SMYD3: variants seen among roughly 807,000 people sequenced by gnomAD.
The protein encoded by SMYD3 is histone-lysine N-methyltransferase SMYD3.
Under a neutral mutation model 57.7 loss-of-function variants are expected in SMYD3, and 36 were observed. That is an observed-to-expected ratio of 0.62 (90% CI 0.48 to 0.82). The LOEUF is 0.82. Among genes scored for constraint, SMYD3 ranks in the 40% least tolerant of loss-of-function variants. The pLI is 0.00. For missense variants in SMYD3, 515 were observed against 538.8 expected (o/e 0.96, Z 0.44); for synonymous variants, 211 against 195.0 (o/e 1.08, Z -0.68).
In SMYD3 at chr1:245,865,013, G is replaced by A. The variant is rs545307868; in HGVS notation, c.814-1127C>T. On this transcript the variant is annotated intron_variant, in intron 8 of 11. Coordinates refer to ENST00000490107, the MANE Select transcript of SMYD3 (RefSeq NM_001167740.2). ...TTCAGTAAGCAGGTCCTCTGCTTCC[G>A]GTTGGCCAGTGTACGTCTGGCATCT... 3.3e-5 allele frequency among the ~76,000 whole-genome samples: 5 copies of A among 152,280 alleles called. No homozygotes were observed. The South Asian group carries it at 1.0e-3, about 32-fold the overall frequency.
Position 246,119,279 on chromosome 1 carries a change from T to C in SMYD3, c.532-189342A>G, listed in dbSNP as rs535681408. 2.0e-5 allele frequency among the ~76,000 whole-genome samples: 3 copies of C among 152,270 alleles called. No homozygotes were observed. The East Asian group carries it at 5.8e-4, about 29-fold the overall frequency. On this transcript the variant is annotated intron_variant, in intron 5 of 11. Transcript: ENST00000490107. ...TCCTAAAGTGCTGGGATTACAGGCA[T>C]GAGCCATCACACCCAGCCAAGACTT...
intron 2 of SMYD3, among the ~76,000 whole-genome samples, chr1:246,346,031 T>C (rs1170462042): frequency 1.3e-5 from 2 of 152,148 alleles, no homozygotes; most frequent in Admixed American, 1.3e-4. Context: ...ACGCCTGTAA[T>C]CCCAGCACTG....
intron 5 of SMYD3, among the ~76,000 whole-genome samples, chr1:246,288,575 C>T (rs1293862412): frequency 6.6e-6 from 1 of 152,138 alleles, no homozygotes; most frequent in Non-Finnish European, 1.5e-5. Flanking sequence ...GATAAACCAA[C>T]CACCTGGGGC....
intron 10 of SMYD3, among the ~76,000 whole-genome samples, chr1:245,831,624 A>C (rs1009054522): frequency 6.6e-6 from 1 of 152,308 alleles, no homozygotes. Flanking sequence ...GTATTTTTTC[A>C]TTTGGTTGAA....
chr1:246,344,164 C>T (rs1287688418), intron 2 of SMYD3, among the ~76,000 whole-genome samples: 2 of 152,032 alleles, frequency 1.3e-5, no homozygotes, highest in Non-Finnish European at 2.9e-5. Flanking sequence ...ATTACATGCA[C>T]GTGCCACCAC....
intron 5 of SMYD3, among the ~76,000 whole-genome samples, chr1:246,269,701 G>A (rs373147810): frequency 2.6e-5 from 4 of 151,544 alleles, no homozygotes; most frequent in East Asian, 3.9e-4. Flanking sequence ...TAAGCAGCCG[G>A]GACTACAGGC....
chr1:245,961,395 T>G (rs2058003896), intron 5 of SMYD3, among the ~76,000 whole-genome samples: 1 of 152,182 alleles, frequency 6.6e-6, no homozygotes, highest in African/African-American at 2.4e-5. Flanking sequence ...GTCAGCACTT[T>G]GAATCTAAAT....
At chr1:246,176,613 C>T (rs538257903) in intron 5 of SMYD3, among the ~76,000 whole-genome samples, 152 of 152,300 alleles carry the variant, frequency 1.0e-3, no homozygotes, top group African/African-American at 3.3e-3. Context: ...GCCTTGACCT[C>T]CCGGGCTCAG....
In SMYD3 at chr1:245,764,140, GA is replaced by G; in HGVS notation, c.1085del (p.Phe362SerfsTer12). 2 of 1,613,252 alleles carry G rather than the reference GA, an allele frequency of 1.2e-6. No individual in the cohort carries two copies. Among genetic ancestry groups the G allele is most frequent in the Non-Finnish European group, 1.7e-6 (2 of 1,179,468 alleles). On this transcript the variant is annotated frameshift_variant, in exon 11 of 12. Transcript: ENST00000490107. LOFTEE classifies it high-confidence loss of function. The part of the protein sequence containing the change: ...TRTMEPYRIF[F>X]PGSHPVRGVQ... The stretch of plus-strand genomic sequence containing the variant: ...CCCCTCTGACGGGATGGCTTCCTGG[GA>G]AAAAAATCCTGGAAGAAACCAAACG...
intron 1 of SMYD3, among the ~76,000 whole-genome samples, chr1:246,368,949 T>C (rs2066149582): frequency 6.6e-6 from 1 of 152,184 alleles, no homozygotes; most frequent in African/African-American, 2.4e-5. Context: ...CTTAATAAAC[T>C]CATATATACA....
intron 5 of SMYD3, among the ~76,000 whole-genome samples, chr1:246,317,387 A>G (rs2065179597): frequency 6.6e-6 from 1 of 152,248 alleles, no homozygotes; most frequent in South Asian, 2.1e-4. Flanking sequence ...CAGCTTACAA[A>G]TGTTAATTCA....
chr1:245,944,416 C>G (rs1057015337), intron 5 of SMYD3, among the ~76,000 whole-genome samples: 6 of 152,006 alleles, frequency 3.9e-5, no homozygotes, highest in Admixed American at 1.3e-4. Flanking sequence ...AATAAAATAC[C>G]TAGGAATACA....
At chr1:246,074,012 G>T (rs986031848) in intron 5 of SMYD3, among the ~76,000 whole-genome samples, 11 of 152,206 alleles carry the variant, frequency 7.2e-5, no homozygotes, top group African/African-American at 2.7e-4. Flanking sequence ...GGCTTTGAAT[G>T]TGGCCAAACG....
At chr1:246,305,204 C>A (rs1439439639) in intron 5 of SMYD3, among the ~76,000 whole-genome samples, 1 of 152,128 alleles carries the variant, frequency 6.6e-6, no homozygotes, top group Non-Finnish European at 1.5e-5. Flanking sequence ...GAGCACAGAC[C>A]TCATTCAGTG....
In SMYD3 at chr1:245,939,943, T is replaced by C. The variant is rs573075969; in HGVS notation, c.532-10006A>G. Among the ~76,000 whole-genome samples, 8 of 152,306 alleles carry C rather than the reference T, an allele frequency of 5.3e-5. No individual in the cohort carries two copies. In the South Asian group the frequency reaches 1.7e-3, roughly 32 times the overall value. Reference sequence around the variant, plus strand: ...AAGAGAGAGGGACAGCTGCAATCACTGTGGCTCCAGTCGGTGCCGGGGAGA... The same window carrying C: ...AAGAGAGAGGGACAGCTGCAATCACCGTGGCTCCAGTCGGTGCCGGGGAGA... On this transcript the variant is annotated intron_variant, in intron 5 of 11. Coordinates refer to ENST00000490107, the MANE Select transcript of SMYD3 (RefSeq NM_001167740.2).
At chr1:245,777,873 C>T (rs7523473) in intron 10 of SMYD3, among the ~76,000 whole-genome samples, 1 of 152,040 alleles carries the variant, frequency 6.6e-6, no homozygotes, top group Non-Finnish European at 1.5e-5. Flanking sequence ...CAACTACTCT[C>T]AGAACAAAAC....
intron 10 of SMYD3, among the ~76,000 whole-genome samples, chr1:245,857,201 G>GC (rs970451302): frequency 2.5e-4 from 38 of 152,342 alleles, no homozygotes; most frequent in Admixed American, 2.5e-3. Flanking sequence ...CCGAAAACAT[G>GC]CTCAGGGTCA....
At chr1:246,487,857 G>A (rs1005947109) in intron 1 of SMYD3, among the ~76,000 whole-genome samples, 4 of 152,094 alleles carry the variant, frequency 2.6e-5, no homozygotes, top group African/African-American at 9.7e-5. Context: ...ACCAAGCCCG[G>A]CTAATTTTGT....
At chr1:245,813,871 T>G (rs908219639) in intron 10 of SMYD3, among the ~76,000 whole-genome samples, 15 of 986 alleles carry the variant, frequency 0.015, no homozygotes, top group African/African-American at 0.019. Context: ...TATATATATA[T>G]ATATATATAT....
Sources: allele counts gnomAD v4.1 joint callset (sites outside exome capture counted in the v4.1 genomes callset), GRCh38; gene constraint gnomAD v4.1.1; transcripts MANE v1.5; gene names NCBI Gene and HGNC (gene_info 2026-07-23, HGNC 2026-07-21).